NLGN1: variants seen among roughly 807,000 people sequenced by gnomAD.
The protein encoded by NLGN1 is neuroligin 1.
Under a neutral mutation model 65.5 loss-of-function variants are expected in NLGN1, and 12 were observed. That is an observed-to-expected ratio of 0.18 (90% CI 0.12 to 0.30). NLGN1 has a LOEUF of 0.30. NLGN1 is among the 10% of genes least tolerant of loss of function. The probability of loss-of-function intolerance (pLI) is 1.00; values close to 1 mark genes in which losing one functional copy is unlikely to be tolerated. For synonymous variants in NLGN1, 350 were observed against 359.5 expected (o/e 0.97, Z 0.30); for missense variants, 750 against 1,007.1 (o/e 0.74, Z 3.46).
chr3:173,800,108 T>A (rs1472438768), intron 3 of NLGN1, among the ~76,000 whole-genome samples: 3 of 151,650 alleles, frequency 2.0e-5, no homozygotes, highest in African/African-American at 7.2e-5. Flanking sequence ...TATGAGATAT[T>A]TTTGGGAAAG....
chr3:173,629,800 A>G (rs1315374613), intron 3 of NLGN1, among the ~76,000 whole-genome samples: 2 of 152,104 alleles, frequency 1.3e-5, no homozygotes, highest in African/African-American at 4.8e-5. Flanking sequence ...AAAAAGAGAC[A>G]CGACTGTGTT....
chr3:174,266,044 ATAT>A (rs1164367031), intron 4 of NLGN1, among the ~76,000 whole-genome samples: 3 of 122,996 alleles, frequency 2.4e-5, no homozygotes, highest in Admixed American at 8.2e-5. Context: ...ATATATATAT[ATAT>A]TTTTTTTTTC....
chr3:174,030,345 C>T (rs543723001), intron 4 of NLGN1, among the ~76,000 whole-genome samples: 55 of 151,994 alleles, frequency 3.6e-4, no homozygotes, highest in East Asian at 1.4e-3. Flanking sequence ...AGGCTGGTCT[C>T]GAACTCCTGA....
At chr3:173,616,016 C>T (rs944111369) in intron 3 of NLGN1, among the ~76,000 whole-genome samples, 47 of 151,894 alleles carry the variant, frequency 3.1e-4, no homozygotes, top group Non-Finnish European at 1.0e-4. Flanking sequence ...GAGGCAGATA[C>T]AGAAAGAGAA....
At chr3:173,994,287 G>A (rs993129721) in intron 4 of NLGN1, among the ~76,000 whole-genome samples, 2 of 151,468 alleles carry the variant, frequency 1.3e-5, no homozygotes, top group Non-Finnish European at 2.9e-5. Context: ...TTGTATTTTG[G>A]GGGGTTTTGC....
intron 4 of NLGN1, among the ~76,000 whole-genome samples, chr3:174,011,662 G>T (rs570668721): frequency 4.8e-4 from 73 of 152,182 alleles, no homozygotes; most frequent in Non-Finnish European, 7.9e-4. Flanking sequence ...GGCCCTAGGA[G>T]TTCTCTTAAT....
At chr3:173,924,295 TTAA>T (rs1742602559) in intron 4 of NLGN1, among the ~76,000 whole-genome samples, 1 of 152,114 alleles carries the variant, frequency 6.6e-6, no homozygotes, top group Non-Finnish European at 1.5e-5. Context: ...GCACAAAATT[TTAA>T]GACCTGATAA....
intron 4 of NLGN1, among the ~76,000 whole-genome samples, chr3:174,077,503 G>A (rs1406128267): frequency 6.6e-6 from 1 of 152,018 alleles, no homozygotes; most frequent in Non-Finnish European, 1.5e-5. Context: ...TGGACAACAT[G>A]AGGAAATATA....
chr3:174,186,649 C>A (rs543751055), intron 4 of NLGN1, among the ~76,000 whole-genome samples: 1 of 151,976 alleles, frequency 6.6e-6, no homozygotes, highest in Non-Finnish European at 1.5e-5. Flanking sequence ...TGGCCACCAT[C>A]TATATCTTTT....
intron 3 of NLGN1, among the ~76,000 whole-genome samples, chr3:173,753,170 C>T (rs991749589): frequency 1.3e-5 from 2 of 152,072 alleles, no homozygotes; most frequent in Non-Finnish European, 2.9e-5. Context: ...TTATTCATTT[C>T]ATCCAGACTC....
At chr3:174,244,868 A>G (rs1238748558) in intron 4 of NLGN1, among the ~76,000 whole-genome samples, 1 of 152,002 alleles carries the variant, frequency 6.6e-6, no homozygotes, top group Non-Finnish European at 1.5e-5. Context: ...ATTACTTTGC[A>G]CTCTTATTAT....
At chr3:174,022,150 A>T (rs1399559586) in intron 4 of NLGN1, among the ~76,000 whole-genome samples, 3 of 152,058 alleles carry the variant, frequency 2.0e-5, no homozygotes. Flanking sequence ...GTTGACTTCC[A>T]CTAAGAATAA....
chr3:173,571,491 A>G (rs9844612), intron 2 of NLGN1, among the ~76,000 whole-genome samples: 71,826 of 152,046 alleles, frequency 0.47, 16,613 homozygotes, highest in East Asian at 0.73. Flanking sequence ...TCAAGTTCCC[A>G]TACCTAAAAG....
chr3:173,569,558 T>C (rs1744281093), intron 2 of NLGN1, among the ~76,000 whole-genome samples: 1 of 151,364 alleles, frequency 6.6e-6, no homozygotes, highest in Admixed American at 6.6e-5. Flanking sequence ...TTCTTTTTTC[T>C]GAAAATATCT....
intron 2 of NLGN1, among the ~76,000 whole-genome samples, chr3:173,549,768 C>G (rs893017289): frequency 1.3e-5 from 2 of 152,018 alleles, no homozygotes; most frequent in African/African-American, 2.4e-5. Context: ...AACATTAACC[C>G]TTAGGATTTG....
At chr3:173,882,599 C>A (rs1025482990) in intron 4 of NLGN1, among the ~76,000 whole-genome samples, 7 of 152,202 alleles carry the variant, frequency 4.6e-5, no homozygotes, top group Admixed American at 4.6e-4. Flanking sequence ...TCAGTCTTTG[C>A]CAGCTTCCAA....
At chr3:174,211,695 A>G (rs1187115604) in intron 4 of NLGN1, among the ~76,000 whole-genome samples, 3 of 148,464 alleles carry the variant, frequency 2.0e-5, no homozygotes, top group Admixed American at 6.8e-5. Flanking sequence ...CTAGATATAA[A>G]GGTTCTCCAC....
intron 3 of NLGN1, among the ~76,000 whole-genome samples, chr3:173,659,633 T>G (rs888066905): frequency 9.9e-5 from 15 of 151,880 alleles, no homozygotes; most frequent in African/African-American, 3.6e-4. Context: ...TATATATATA[T>G]GTATATTAAA....
At chr3:173,419,173 C>A (rs970487343) in intron 1 of NLGN1, among the ~76,000 whole-genome samples, 16 of 149,982 alleles carry the variant, frequency 1.1e-4, no homozygotes, top group African/African-American at 3.9e-4. Flanking sequence ...CTGAGAAGGG[C>A]TTCTGGCTGA....
Sources: allele counts gnomAD v4.1 joint callset (sites outside exome capture counted in the v4.1 genomes callset), GRCh38; gene constraint gnomAD v4.1.1; transcripts MANE v1.5; gene names NCBI Gene and HGNC (gene_info 2026-07-23, HGNC 2026-07-21).